Variants in DGKG observed in about 807,000 individuals in gnomAD.
DGKG encodes the protein diacylglycerol kinase gamma.
DGKG carries 78 observed loss-of-function variants against 105.3 expected under a neutral mutation model. The observed-to-expected ratio is 0.74, with a 90% CI of 0.62 to 0.89. DGKG has a LOEUF of 0.89. Among genes scored for constraint, DGKG ranks in the 40% least tolerant of loss-of-function variants. DGKG has a pLI of 0.00. For missense variants in DGKG, 958 were observed against 1,020.1 expected (o/e 0.94, Z 0.83); for synonymous variants, 346 against 367.1 (o/e 0.94, Z 0.66).
Position 186,238,747 on chromosome 3 carries a change from C to A in DGKG, c.1826+3757G>T, listed in dbSNP as rs137957879. 4.1e-3 allele frequency among the ~76,000 whole-genome samples: 623 copies of A among 152,340 alleles called. 2 individuals carry two copies. The highest frequency in any genetic ancestry group is 7.6e-3 in the Non-Finnish European group (517 of 68,032). ...TAAAGGCCTTTTCTTTTTTGCCCAT[C>A]ATACATGGCTCGTATTCCTGCCTCC... On this transcript the variant is annotated intron_variant, in intron 20 of 24. Transcript: ENST00000265022.
At chr3:186,249,710 T>C (rs1294624741) in intron 19 of DGKG, among the ~76,000 whole-genome samples, 1 of 152,068 alleles carries the variant, frequency 6.6e-6, no homozygotes, top group East Asian at 1.9e-4. Flanking sequence ...GATGTGGTAT[T>C]GCACGCTTGT....
At chr3:186,193,235 A>G (rs1717992145) in intron 21 of DGKG, among the ~76,000 whole-genome samples, 1 of 152,180 alleles carries the variant, frequency 6.6e-6, no homozygotes, top group Non-Finnish European at 1.5e-5. Flanking sequence ...CCTGGGCTTG[A>G]AGGCAGAGAG....
intron 16 of DGKG, 57 bp from the exon 17 acceptor site, chr3:186,257,996 A>C: frequency 7.7e-7 from 1 of 1,298,774 alleles, no homozygotes; most frequent in Non-Finnish European, 1.1e-6. Flanking sequence ...GCTGACATTG[A>C]TACATGTTGA....
At chr3:186,278,157 G>A (rs1020622368) in intron 9 of DGKG, among the ~76,000 whole-genome samples, 2 of 152,038 alleles carry the variant, frequency 1.3e-5, no homozygotes, top group African/African-American at 4.8e-5. Flanking sequence ...TCTTTTCCAT[G>A]CAAAGAGTTG....
intron 18 of DGKG, among the ~76,000 whole-genome samples, chr3:186,252,624 T>C (rs1372754402): frequency 6.6e-6 from 1 of 152,248 alleles, no homozygotes; most frequent in Non-Finnish European, 1.5e-5. Flanking sequence ...ATGATCTGAA[T>C]GCTTCTAGTG....
At chr3:186,310,288 AACC>A (rs1724473476) in intron 2 of DGKG, among the ~76,000 whole-genome samples, 45 of 148,144 alleles carry the variant, frequency 3.0e-4, no homozygotes, top group East Asian at 1.0e-3. Flanking sequence ...AAAAAAAAAA[AACC>A]ACACACACAC....
intron 2 of DGKG, among the ~76,000 whole-genome samples, chr3:186,310,917 C>T (rs1033030240): frequency 2.7e-5 from 4 of 150,478 alleles, no homozygotes; most frequent in East Asian, 1.9e-4. Context: ...GAGAAGAAAC[C>T]GAGGCTTATG....
In DGKG at chr3:186,268,915, C is replaced by T; in HGVS notation, c.1002G>A (p.Val334=). ...TCCCTTCCACCCATGCGTGCTGCAT[C>T]ACCTGCGGGAGGGAAGCGAACGATG... The part of the protein sequence containing the change: ...TYSKAKRSGE[V]MQHAWVEGNS... Residue 334 remains valine (V), a splice_region_variant and synonymous_variant, in exon 12 of 25, where the codon GTG becomes GTA. Coordinates refer to ENST00000265022, the MANE Select transcript of DGKG (RefSeq NM_001346.3). 1 of 1,611,228 alleles carries T rather than the reference C, an allele frequency of 6.2e-7. No homozygotes were observed. The highest frequency in any genetic ancestry group is 2.2e-5 in the East Asian group (1 of 44,864).
rs191175954 is a variant in DGKG at position 186,301,495 on chromosome 3, C to T, written c.145-3266G>A. On this transcript the variant is annotated intron_variant, in intron 3 of 24. Coordinates refer to ENST00000265022, the MANE Select transcript of DGKG (RefSeq NM_001346.3). ...ACAAACCATTAGCTGGGCGTGGTGG[C>T]GGGCGCCTGTAGTCCCAGCTACTCG... Among the ~76,000 whole-genome samples the T allele has an allele frequency of 1.8e-4, 27 of 152,178 alleles. 1 individual carries two copies. The East Asian group carries it at 2.1e-3, about 12-fold the overall frequency.
At chr3:186,205,723 A>G (rs1174148874) in intron 21 of DGKG, among the ~76,000 whole-genome samples, 1 of 152,054 alleles carries the variant, frequency 6.6e-6, no homozygotes, top group Non-Finnish European at 1.5e-5. Flanking sequence ...AAAAACCAAA[A>G]CAACAACCAC....
rs1205251487 is a variant in DGKG, at chr3:186,350,316, G to A, written c.-249+11630C>T. Among the ~76,000 whole-genome samples the A allele has an allele frequency of 3.9e-5, 6 of 152,112 alleles. No homozygotes were observed. In the East Asian group the frequency reaches 1.2e-3, roughly 29 times the overall value. On this transcript the variant is annotated intron_variant, in intron 1 of 24. Coordinates refer to ENST00000265022, the MANE Select transcript of DGKG (RefSeq NM_001346.3). The stretch of plus-strand genomic sequence containing the variant: ...ATCTCAATGAATTTAACTACTATAA[G>A]TACCTCATATGAGTGGAATGTGCAG...
At chr3:186,232,135 G>A (rs900870530) in intron 20 of DGKG, among the ~76,000 whole-genome samples, 2 of 152,186 alleles carry the variant, frequency 1.3e-5, no homozygotes, top group Non-Finnish European at 2.9e-5. Context: ...TATTTCAATT[G>A]TGAAGGGACT....
chr3:186,306,869 T>C (rs1464318431), intron 3 of DGKG, 32 bp downstream of exon 3: 1 of 1,486,822 alleles, frequency 6.7e-7, no homozygotes, highest in Admixed American at 1.7e-5. Context: ...AACACAGGGG[T>C]TTTTAAAGGC....
intron 20 of DGKG, among the ~76,000 whole-genome samples, chr3:186,224,588 A>G (rs1287626291): frequency 2.0e-5 from 3 of 152,230 alleles, no homozygotes; most frequent in Admixed American, 1.3e-4. Flanking sequence ...TTCTGTGGTC[A>G]GGTAAATTTG....
chr3:186,325,567 T>C (rs758516636), intron 1 of DGKG, among the ~76,000 whole-genome samples: 44 of 152,212 alleles, frequency 2.9e-4, no homozygotes, highest in Non-Finnish European at 4.4e-4. Flanking sequence ...CCTGGATTAA[T>C]TATTACAATG....
At position 186,188,353 on chromosome 3, in the gene DGKG, G is replaced by T. The variant is rs769584231; in HGVS notation, c.1944C>A (p.Ser648Arg). The T allele has an allele frequency of 5.6e-6, 9 of 1,613,976 alleles. No individual in the cohort carries two copies. Among genetic ancestry groups the T allele is most frequent in the South Asian group, 2.2e-5 (2 of 91,082 alleles). Residue 648 changes from serine (S) to arginine (R), a missense_variant, in exon 22 of 25, where the codon AGC becomes AGA. By Grantham distance (110) the Ser-to-Arg change is moderately radical. Coordinates refer to ENST00000265022, the MANE Select transcript of DGKG (RefSeq NM_001346.3). ...TGGCAATGCCTTCCAGGAAGATGTT[G>T]CTCAGGTCCACCCCAACCCCATCAC... is the stretch of plus-strand genomic sequence containing the variant. ...LECDGVGVDL[S>R]NIFLEGIAIL...
chr3:186,201,251 G>T (rs1469556189), intron 21 of DGKG, among the ~76,000 whole-genome samples: 2 of 152,044 alleles, frequency 1.3e-5, no homozygotes, highest in African/African-American at 4.8e-5. Flanking sequence ...AGGCCAACCT[G>T]GAGTGGATGG....
intron 13 of DGKG, among the ~76,000 whole-genome samples, chr3:186,265,917 G>T (rs949056960): frequency 6.6e-6 from 1 of 151,932 alleles, no homozygotes; most frequent in East Asian, 1.9e-4. Context: ...TGATCCGCTG[G>T]CCTCAGCCTC....
chr3:186,275,717 A>C, intron 9 of DGKG, 53 bp from the exon 10 acceptor site: 7 of 1,255,484 alleles, frequency 5.6e-6, no homozygotes, highest in Non-Finnish European at 8.0e-6. Flanking sequence ...GAGATGGAGG[A>C]AGCCAGGGGC....
Sources: allele counts gnomAD v4.1 joint callset (sites outside exome capture counted in the v4.1 genomes callset), GRCh38; gene constraint gnomAD v4.1.1; transcripts MANE v1.5; gene names NCBI Gene and HGNC (gene_info 2026-07-23, HGNC 2026-07-21).